MYO1F: variants seen among roughly 807,000 people sequenced by gnomAD.
MYO1F encodes the protein myosin IF.
A neutral mutation model predicts 146.6 loss-of-function variants in MYO1F; 60 were observed. The observed-to-expected ratio is 0.41, with a 90% CI of 0.33 to 0.51. The LOEUF (loss-of-function observed/expected upper bound fraction) is 0.51. Ranked by LOEUF, MYO1F falls within the 20% of genes least tolerant of loss-of-function variation. MYO1F has a pLI of 0.25. For missense variants in MYO1F, 1,274 were observed against 1,534.3 expected (o/e 0.83, Z 2.83); for synonymous variants, 602 against 602.1 (o/e 1.00, Z 0.00).
At chr19:8,540,276 T>C (rs1972904888) in intron 15 of MYO1F, 1 of 431,000 alleles carries the variant, frequency 2.3e-6, no homozygotes. Flanking sequence ...ACTCCTGGGC[T>C]CAAGCCAATG....
intron 1 of MYO1F, among the ~76,000 whole-genome samples, chr19:8,565,138 C>A (rs1021859343): frequency 6.6e-6 from 1 of 151,960 alleles, no homozygotes; most frequent in Non-Finnish European, 1.5e-5. Flanking sequence ...TTCAAGTGAT[C>A]CACCCACCTC....
At chr19:8,575,023 T>A (rs1276413398) in intron 1 of MYO1F, among the ~76,000 whole-genome samples, 1 of 151,804 alleles carries the variant, frequency 6.6e-6, no homozygotes, top group South Asian at 2.1e-4. Flanking sequence ...CCAAAAGTGT[T>A]GAGATTACAG....
chr19:8,575,595 G>C (rs1400874972), intron 1 of MYO1F, among the ~76,000 whole-genome samples: 1 of 152,078 alleles, frequency 6.6e-6, no homozygotes, highest in Non-Finnish European at 1.5e-5. Context: ...CATGACCCCG[G>C]GGGTTGGGGA....
At chr19:8,556,427 AG>A (rs1973858044) in intron 1 of MYO1F, among the ~76,000 whole-genome samples, 1 of 150,368 alleles carries the variant, frequency 6.7e-6, no homozygotes. Flanking sequence ...GGATCGCTTG[AG>A]GCCAGGAGTT....
intron 22 of MYO1F, 56 bp downstream of exon 22, chr19:8,527,282 G>T: frequency 1.2e-6 from 2 of 1,611,294 alleles, no homozygotes; most frequent in Non-Finnish European, 1.7e-6. Context: ...ACTAGAATGA[G>T]GGCAGCCAGG....
chr19:8,551,432 A>T, intron 8 of MYO1F: 1 of 315,858 alleles, frequency 3.2e-6, no homozygotes, highest in South Asian at 2.9e-5. Context: ...GCTCACTGCA[A>T]CTTCCACCTC....
intron 14 of MYO1F, chr19:8,543,948 C>CTGG (rs202093600): frequency 1.9e-3 from 113 of 59,718 alleles, no homozygotes; most frequent in Non-Finnish European, 2.3e-3. Flanking sequence ...GCTGGTGGTG[C>CTGG]TGGTGGTGGT....
intron 1 of MYO1F, among the ~76,000 whole-genome samples, chr19:8,557,743 G>C (rs945834012): frequency 6.6e-6 from 1 of 152,172 alleles, no homozygotes; most frequent in East Asian, 1.9e-4. Flanking sequence ...CAGGGAGACC[G>C]GGTGACTTGG....
chr19:8,548,624 G>A (rs796411164), intron 10 of MYO1F, among the ~76,000 whole-genome samples: 23 of 144,936 alleles, frequency 1.6e-4, no homozygotes, highest in African/African-American at 5.5e-4. Context: ...TTTTTGAGAC[G>A]GAGTCTCACT....
In MYO1F at chr19:8,555,675, A is replaced by G. The variant is rs1267099635; in HGVS notation, c.125T>C (p.Met42Thr). The G allele has an allele frequency of 1.9e-6, 3 of 1,614,086 alleles. No individual in the cohort carries two copies. Among genetic ancestry groups the G allele is most frequent in the Middle Eastern group, 1.6e-4 (1 of 6,062 alleles). ...CCAGGGTACGAAGATGTAGTCGTCC[A>G]TGAAGCGCTTCCGGAGGTTGGCGGC... ...AIAANLRKRF[M>T]DDYIFTYIGS... Residue 42 changes from methionine to threonine, a missense_variant, in exon 2 of 28, where the codon ATG becomes ACG. By Grantham distance (81) the Met-to-Thr change is moderately conservative. Transcript: ENST00000644032.
In MYO1F at chr19:8,577,403, G is replaced by T; in HGVS notation, c.-94C>A. 7.1e-7 allele frequency: 1 copy of T among 1,406,458 alleles called. No individual in the cohort carries two copies. The highest frequency in any genetic ancestry group is 1.0e-6 in the Non-Finnish European group (1 of 996,664). 87.1% of individuals were successfully genotyped at this position (1,406,458 alleles called of 1,614,324 possible). ...GGATCTTGGGGGTGGCTTGGGCATG[G>T]CCCTGCTTCTGCCCGTTCACCGGAC... On this transcript the variant is annotated 5_prime_UTR_variant, in exon 1 of 28. Coordinates refer to ENST00000644032, the MANE Select transcript of MYO1F (RefSeq NM_012335.4). The surrounding 1 kb of genome is among the most constrained non-coding windows in gnomAD (Gnocchi z 4.3).
chr19:8,545,368 C>T lies in MYO1F; in HGVS notation c.1356+282G>A, dbSNP rs182599950. ...CCTCCCAAAGTGCTGGGATTACAGG[C>T]GTGAGCCACCGGCATGGAATCTGCA... On this transcript the variant is annotated intron_variant, in intron 13 of 27. Transcript: ENST00000644032. The T allele has an allele frequency of 1.3e-3, 541 of 417,016 alleles. 3 individuals carry two copies. Among genetic ancestry groups the T allele is most frequent in the African/African-American group, 0.01 (507 of 49,100 alleles). The allele number at this position is 417,016 out of a possible 1,614,324, so 25.8% of individuals were successfully genotyped here.
intron 1 of MYO1F, among the ~76,000 whole-genome samples, chr19:8,572,521 G>A (rs2145988876): frequency 6.6e-6 from 1 of 152,178 alleles, no homozygotes; most frequent in East Asian, 1.9e-4. Flanking sequence ...ACCTGCCTCG[G>A]CCTCCTAAAG....
chr19:8,553,894 A>ACACACTCTCT, intron 4 of MYO1F, among the ~76,000 whole-genome samples: 9 of 102,668 alleles, frequency 8.8e-5, no homozygotes, highest in Middle Eastern at 4.7e-3. Context: ...ACACACACAC[A>ACACACTCTCT]CTCTCTCTCT....
At chr19:8,522,076 G>C (rs1972080037) in intron 27 of MYO1F, among the ~76,000 whole-genome samples, 1 of 149,890 alleles carries the variant, frequency 6.7e-6, no homozygotes. Context: ...AGGCTGGAGT[G>C]TGTTGGCGCA....
intron 1 of MYO1F, among the ~76,000 whole-genome samples, chr19:8,575,783 G>C (rs756888709): frequency 1.1e-4 from 16 of 152,230 alleles, no homozygotes; most frequent in Non-Finnish European, 2.1e-4. Context: ...CTGCCAAGCC[G>C]ACTGTTGACT....
intron 15 of MYO1F, among the ~76,000 whole-genome samples, chr19:8,541,424 TG>T (rs139899049): frequency 0.026 from 3,140 of 122,880 alleles, 99 homozygotes; most frequent in African/African-American, 0.098. Flanking sequence ...TGTGTGTGTG[TG>T]TTTTTTTTTT....
In MYO1F at chr19:8,567,316, C is replaced by T. The variant is rs149618250; in HGVS notation, c.3+9991G>A. Among the ~76,000 whole-genome samples the T allele has an allele frequency of 6.6e-3, 1,005 of 152,064 alleles. 15 individuals are homozygous for T. Among genetic ancestry groups the T allele is most frequent in the African/African-American group, 0.023 (943 of 41,474 alleles). ...TCCTGACCTTGTGATCCACCTGCCT[C>T]GGCCTCCCAAAGTGCTGAAATTACA... On this transcript the variant is annotated intron_variant, in intron 1 of 27. Transcript: ENST00000644032.
At position 8,530,187 on chromosome 19, in the gene MYO1F, G is replaced by A. The variant is rs760945904; in HGVS notation, c.2328+9C>T. The A allele has an allele frequency of 1.2e-6, 2 of 1,614,032 alleles. No individual in the cohort carries two copies. The highest frequency in any genetic ancestry group is 3.3e-5 in the Admixed American group (2 of 60,002). The stretch of plus-strand genomic sequence containing the variant: ...AGGGTCTTGCTGTGCCCACCCACTA[G>A]TGCCTCACCTTGAAGCGGCGGTCGT... On this transcript the variant is annotated intron_variant, in intron 21 of 27. Transcript: ENST00000644032. This position sits in a 1 kb window ranked among gnomAD's most constrained non-coding sequence, Gnocchi z 5.8.
Sources: allele counts gnomAD v4.1 joint callset (sites outside exome capture counted in the v4.1 genomes callset), GRCh38; gene constraint gnomAD v4.1.1; non-coding constraint Gnocchi (gnomAD v3.1); transcripts MANE v1.5; gene names NCBI Gene and HGNC (gene_info 2026-07-23, HGNC 2026-07-21).